SEL1L2: variants seen among roughly 807,000 people sequenced by gnomAD.
SEL1L2 encodes the protein protein sel-1 homolog 2.
SEL1L2 carries 89 observed loss-of-function variants against 98.8 expected under a neutral mutation model. That is an observed-to-expected ratio of 0.90 (90% confidence interval 0.76 to 1.07). The LOEUF (loss-of-function observed/expected upper bound fraction) is 1.07, where lower values mean the gene tolerates loss of function less well. Ranked by LOEUF, SEL1L2 falls within the 50% of genes least tolerant of loss-of-function variation. The pLI is 0.00. For missense variants in SEL1L2, 788 were observed against 812.0 expected, an observed-to-expected ratio of 0.97 and a Z score of 0.36; for synonymous variants, 262 against 278.5, an observed-to-expected ratio of 0.94 and a Z score of 0.59.
intron 3 of SEL1L2, among the ~76,000 whole-genome samples, chr20:13,927,060 T>A (rs2048936922): frequency 6.6e-6 from 1 of 152,218 alleles, no homozygotes; most frequent in South Asian, 2.1e-4. Flanking sequence ...TTCTGACTCA[T>A]ATGGAAGAAT....
upstream of SEL1L2, among the ~76,000 whole-genome samples, chr20:13,993,269 C>T (rs776723163): frequency 1.3e-5 from 2 of 152,076 alleles, no homozygotes; most frequent in Non-Finnish European, 2.9e-5. Flanking sequence ...GTATAGCAAC[C>T]GATTTGATAT....
chr20:13,869,332 C>G (rs996492317), intron 14 of SEL1L2, among the ~76,000 whole-genome samples, 171 bp downstream of exon 14: 5 of 152,152 alleles, frequency 3.3e-5, no homozygotes, highest in Non-Finnish European at 5.9e-5. Context: ...CCTTGTCCCC[C>G]CTCCCAACCA....
chr20:13,951,770 T>C (rs987549670), intron 2 of SEL1L2, among the ~76,000 whole-genome samples: 1 of 150,666 alleles, frequency 6.6e-6, no homozygotes, highest in African/African-American at 2.4e-5. Context: ...CATCATACAT[T>C]TGTCATTAAA....
intron 18 of SEL1L2, among the ~76,000 whole-genome samples, chr20:13,851,001 C>G (rs575016690): frequency 6.6e-6 from 1 of 152,080 alleles, no homozygotes. Context: ...CTTTGGGAGG[C>G]CAAGGCAGGT....
rs558166896 is a variant in SEL1L2 at position 13,938,397 on chromosome 20, G to A, written c.115-6626C>T. On this transcript the variant is annotated intron_variant, in intron 2 of 19. Coordinates refer to ENST00000284951, the MANE Select transcript of SEL1L2 (RefSeq NM_025229.2). The stretch of plus-strand genomic sequence containing the variant: ...CCTGGTCCAGAAAACCTTTTTAATA[G>A]CTTCTAGTTTAAGAGTCTGTCAGTC... Among the ~76,000 whole-genome samples, 7 of 152,246 alleles carry A rather than the reference G, an allele frequency of 4.6e-5. 1 individual carries two copies. In the South Asian group the frequency reaches 1.5e-3, roughly 32 times the overall value.
At chr20:13,918,275 T>C (rs2048498152) in intron 4 of SEL1L2, among the ~76,000 whole-genome samples, 3 of 152,156 alleles carry the variant, frequency 2.0e-5, no homozygotes, top group Non-Finnish European at 2.9e-5. Flanking sequence ...GAGTAACTTA[T>C]CCAAGTGCAA....
intron 8 of SEL1L2, among the ~76,000 whole-genome samples, chr20:13,887,137 G>A (rs2046994697): frequency 6.6e-6 from 1 of 152,088 alleles, no homozygotes; most frequent in Non-Finnish European, 1.5e-5. Context: ...TAAATATAAA[G>A]ATAGATATGC....
At chr20:13,859,152 C>A in intron 18 of SEL1L2, 110 bp downstream of exon 18, 1 of 1,037,938 alleles carries the variant, frequency 9.6e-7, no homozygotes, top group Non-Finnish European at 1.4e-6. Context: ...GTTAAGTCCT[C>A]TCCTTCCTTC....
At chr20:13,926,271 C>A (rs1316390601) in intron 3 of SEL1L2, among the ~76,000 whole-genome samples, 2 of 152,012 alleles carry the variant, frequency 1.3e-5, no homozygotes, top group Non-Finnish European at 2.9e-5. Context: ...GCGGAGATGG[C>A]GCCACTGCAC....
intron 1 of SEL1L2, among the ~76,000 whole-genome samples, chr20:13,975,703 A>C (rs2051500226): frequency 6.6e-6 from 1 of 152,214 alleles, no homozygotes; most frequent in Non-Finnish European, 1.5e-5. Context: ...GCTAAAGGAG[A>C]TCTAAAAGGC....
chr20:13,935,890 G>A (rs909697339), intron 2 of SEL1L2, among the ~76,000 whole-genome samples: 2 of 152,112 alleles, frequency 1.3e-5, no homozygotes, highest in African/African-American at 4.8e-5. Context: ...GATGGTAGAG[G>A]GGGAAATGGT....
At chr20:13,994,433 T>G (rs758619172), upstream of SEL1L2, among the ~76,000 whole-genome samples, 2 of 152,152 alleles carry the variant, frequency 1.3e-5, no homozygotes, top group Non-Finnish European at 2.9e-5. Context: ...CTTTCTTCCT[T>G]TTCTCTTCTA....
Position 13,876,241 on chromosome 20 carries a change from C to T in SEL1L2, c.1027-126G>A, listed in dbSNP as rs1055939547. 7 of 688,422 alleles carry T rather than the reference C, an allele frequency of 1.0e-5. No homozygotes were observed. In the East Asian group the frequency reaches 1.9e-4, roughly 18 times the overall value. The allele number at this position is 688,422 out of a possible 1,614,324, so 42.6% of individuals were successfully genotyped here. A position where few individuals can be genotyped will look rare whatever the true frequency, so the allele number is the denominator to read the frequency against. Reference sequence around the variant, plus strand: ...AATGTAGTAAATGCCACTGTAAATGCCACTGAATTGTATAAAGTGGTCAAT... The same window carrying T: ...AATGTAGTAAATGCCACTGTAAATGTCACTGAATTGTATAAAGTGGTCAAT... On this transcript the variant is annotated intron_variant, in intron 11 of 19. Transcript: ENST00000284951.
At chr20:13,900,941 TTTA>T (rs1485417703) in intron 5 of SEL1L2, among the ~76,000 whole-genome samples, 1 of 152,242 alleles carries the variant, frequency 6.6e-6, no homozygotes, top group African/African-American at 2.4e-5. Flanking sequence ...CTCGTTTTTA[TTTA>T]TGAAATAAAT....
chr20:13,905,062 C>T (rs2047860558), intron 5 of SEL1L2, among the ~76,000 whole-genome samples: 1 of 152,116 alleles, frequency 6.6e-6, no homozygotes, highest in African/African-American at 2.4e-5. Flanking sequence ...GTATAAAGCT[C>T]ATTCTTAAAA....
intron 12 of SEL1L2, among the ~76,000 whole-genome samples, chr20:13,872,639 A>C (rs1367768984): frequency 6.6e-6 from 1 of 152,150 alleles, no homozygotes; most frequent in Non-Finnish European, 1.5e-5. Context: ...GGAGGGAAGG[A>C]AGAAGGGAGA....
chr20:13,890,457 C>T (rs954333014), intron 5 of SEL1L2, among the ~76,000 whole-genome samples: 4 of 152,038 alleles, frequency 2.6e-5, no homozygotes, highest in African/African-American at 9.7e-5. Context: ...AGAGAAGATG[C>T]ATCCCCAGAA....
intron 1 of SEL1L2, among the ~76,000 whole-genome samples, chr20:13,990,276 C>G (rs1396639239): frequency 1.3e-5 from 2 of 152,110 alleles, no homozygotes; most frequent in East Asian, 3.9e-4. Flanking sequence ...AAGTACACAC[C>G]CTTCCCAAGT....
At chr20:13,876,765 T>A (rs981968991) in intron 11 of SEL1L2, among the ~76,000 whole-genome samples, 8 of 151,984 alleles carry the variant, frequency 5.3e-5, no homozygotes, top group Admixed American at 4.6e-4. Context: ...GGGAGTGGGG[T>A]GGTCATAGGC....
Sources: allele counts gnomAD v4.1 joint callset (sites outside exome capture counted in the v4.1 genomes callset), GRCh38; gene constraint gnomAD v4.1.1; transcripts MANE v1.5; gene names NCBI Gene and HGNC (gene_info 2026-07-23, HGNC 2026-07-21).